The following DSE variants were observed in gnomAD, a reference collection of about 807,000 sequenced individuals.
DSE encodes the protein dermatan sulfate epimerase, also known as dermatan-sulfate epimerase.
In DSE, 36 loss-of-function variants were observed where a neutral mutation model predicts 84.4. That is an observed-to-expected ratio of 0.43 (90% CI 0.33 to 0.56). The LOEUF (loss-of-function observed/expected upper bound fraction) is 0.56, where lower values mean the gene tolerates loss of function less well. DSE is among the 20% of genes least tolerant of loss of function. The probability of loss-of-function intolerance (pLI) is 0.06; values close to 1 mark genes in which losing one functional copy is unlikely to be tolerated. For missense variants in DSE, 862 were observed against 1,169.6 expected (o/e 0.74, Z 3.84); for synonymous variants, 410 against 430.1 (o/e 0.95, Z 0.58).
rs376771433 is a variant in DSE at position 116,437,131 on chromosome 6, C to A, written c.2663C>A (p.Thr888Asn). The change falls in exon 6 of 6, where the codon ACT becomes AAT. Residue 888 changes from threonine to asparagine, a missense_variant. By Grantham distance (65) the Thr-to-Asn change is moderately conservative. This residue lies in a region of DSE where 315 missense variants were observed against 348.1 expected (regional missense o/e 0.90). Coordinates refer to ENST00000644252, the MANE Select transcript of DSE (RefSeq NM_013352.4). ...TTTGGACAGGCACGGATGGTGACAA[C>A]TACACACAGCAGGGCCCCATCACTG... ...GRFGQARMVT[T>N]THSRAPSLSA... is the part of the protein sequence containing the mutation. The A allele has an allele frequency of 6.2e-7, 1 of 1,614,116 alleles. No homozygotes were observed. Among genetic ancestry groups the A allele is most frequent in the Non-Finnish European group, 8.5e-7 (1 of 1,179,988 alleles).
intron 3 of DSE, among the ~76,000 whole-genome samples, chr6:116,427,414 T>G (rs1393046844): frequency 6.6e-6 from 1 of 152,194 alleles, no homozygotes; most frequent in Non-Finnish European, 1.5e-5. Flanking sequence ...AATGACTGAT[T>G]AAGATTGTGT....
intron 2 of DSE, among the ~76,000 whole-genome samples, chr6:116,289,437 G>A (rs1176578713): frequency 2.0e-5 from 3 of 151,830 alleles, no homozygotes; most frequent in African/African-American, 7.3e-5. Flanking sequence ...TTCATGCAAA[G>A]GAAATATTTC....
At chr6:116,276,443 T>G (rs1240121258) in intron 2 of DSE, 1 of 152,220 alleles carries the variant, frequency 6.6e-6, no homozygotes, top group Non-Finnish European at 1.5e-5. Flanking sequence ...TGCTAACGTT[T>G]TAAGGCAAAC....
chr6:116,256,609 T>C (rs1008333489), intron 1 of DSE: 7 of 152,220 alleles, frequency 4.6e-5, no homozygotes, highest in African/African-American at 1.7e-4. Flanking sequence ...AGCTAGATAA[T>C]GACTGCATAG....
rs578166053 is a variant in DSE at position 116,440,553 on chromosome 6, T to C, written c.*3208T>C. 7.2e-5 allele frequency: 11 copies of C among 152,356 alleles called. No individual in the cohort carries two copies. In the South Asian group the frequency reaches 2.3e-3, roughly 32 times the overall value. The allele number at this position is 152,356 out of a possible 1,614,324, so 9.4% of individuals were successfully genotyped here. Reference sequence around the variant, plus strand: ...TAAGAGAAAGCAAGCTATGAAATGCTATATTTGTAGGCTTAAAAGTAAATT... The same window carrying C: ...TAAGAGAAAGCAAGCTATGAAATGCCATATTTGTAGGCTTAAAAGTAAATT... On this transcript the variant is annotated 3_prime_UTR_variant, in exon 6 of 6. Coordinates refer to ENST00000644252, the MANE Select transcript of DSE (RefSeq NM_013352.4).
At chr6:116,370,010 CAAAG>C, upstream of DSE, 1 of 1,206,918 alleles carries the variant, frequency 8.3e-7, no homozygotes. Context: ...GTGGAAGGGG[CAAAG>C]TATTCCTGAG....
chr6:116,333,792 T>A (rs983731191), intron 2 of DSE, among the ~76,000 whole-genome samples: 2 of 152,222 alleles, frequency 1.3e-5, no homozygotes, highest in Non-Finnish European at 2.9e-5. Flanking sequence ...TATAAATTTC[T>A]CTTTAAATTT....
chr6:116,312,272 A>T lies in DSE; in HGVS notation c.-54+53305A>T, dbSNP rs145962536. On this transcript the variant is annotated intron_variant, in intron 2 of 3. Transcript: ENST00000430252. ...GTAATGTGCTACTTAATTTAAAAAT[A>T]ACCTCCATAAATATATTTTGAAAAA... Among the ~76,000 whole-genome samples, 1,137 of 152,340 alleles carry T rather than the reference A, an allele frequency of 7.5e-3. 18 individuals carry two copies. The highest frequency in any genetic ancestry group is 0.026 in the African/African-American group (1,071 of 41,578).
At chr6:116,431,869 G>A (rs1421537058) in intron 4 of DSE, among the ~76,000 whole-genome samples, 1 of 152,092 alleles carries the variant, frequency 6.6e-6, no homozygotes, top group African/African-American at 2.4e-5. Flanking sequence ...GGACTAAGAT[G>A]TTAGAACAAG....
At chr6:116,316,593 A>G (rs751261721) in intron 2 of DSE, among the ~76,000 whole-genome samples, 2 of 151,856 alleles carry the variant, frequency 1.3e-5, no homozygotes, top group Non-Finnish European at 2.9e-5. Flanking sequence ...AATTTTGTCA[A>G]AGCGTTATCC....
intron 1 of DSE, among the ~76,000 whole-genome samples, chr6:116,384,569 T>G (rs28390222): frequency 1.3e-4 from 20 of 152,308 alleles, no homozygotes; most frequent in African/African-American, 4.8e-4. Flanking sequence ...AGAGTAACCT[T>G]TAGAGTTCAA....
At chr6:116,425,826 G>A (rs1267128436) in intron 2 of DSE, among the ~76,000 whole-genome samples, 1 of 151,904 alleles carries the variant, frequency 6.6e-6, no homozygotes, top group Non-Finnish European at 1.5e-5. Flanking sequence ...GTTTCACCGT[G>A]TTAGCCAAGA....
At chr6:116,366,552 G>A (rs544055122), upstream of DSE, 25 of 152,284 alleles carry the variant, frequency 1.6e-4, no homozygotes, top group Middle Eastern at 3.4e-3. Context: ...ATTATAATTT[G>A]GAAGGTGTTT....
intron 2 of DSE, among the ~76,000 whole-genome samples, chr6:116,342,865 C>A (rs112942474): frequency 6.6e-6 from 1 of 152,040 alleles, no homozygotes; most frequent in East Asian, 1.9e-4. Context: ...ACCTGGGAAG[C>A]GCAAGGGGTC....
chr6:116,354,886 T>C (rs1778495538), intron 2 of DSE, among the ~76,000 whole-genome samples: 1 of 152,186 alleles, frequency 6.6e-6, no homozygotes, highest in African/African-American at 2.4e-5. Context: ...ACAGGTTTTA[T>C]AAAAAGCCAA....
intron 2 of DSE, chr6:116,278,659 T>C (rs771898385): frequency 3.7e-6 from 6 of 1,614,026 alleles, no homozygotes; most frequent in East Asian, 4.5e-5. Flanking sequence ...CTCAGCAATT[T>C]TGTCGGACTC....
Position 116,399,250 on chromosome 6 carries a change from G to T in DSE, c.-1G>T. 1 of 1,613,676 alleles carries T rather than the reference G, an allele frequency of 6.2e-7. No individual in the cohort carries two copies. Among genetic ancestry groups the T allele is most frequent in the South Asian group, 1.1e-5 (1 of 91,074 alleles). On this transcript the variant is annotated 5_prime_UTR_variant, in exon 2 of 6. Transcript: ENST00000644252. ...TGGAGATTTGGAGATCTGATGCCAC[G>T]ATGAGGACTCACACACGGGGGGCTC... is the stretch of plus-strand genomic sequence containing the variant.
At chr6:116,385,239 G>C (rs1780509353) in intron 1 of DSE, among the ~76,000 whole-genome samples, 1 of 152,166 alleles carries the variant, frequency 6.6e-6, no homozygotes, top group Admixed American at 6.5e-5. Context: ...GCAATGCTTA[G>C]GAGTTTGATG....
chr6:116,271,651 T>C (rs1410231254), intron 2 of DSE, among the ~76,000 whole-genome samples: 1 of 152,152 alleles, frequency 6.6e-6, no homozygotes, highest in African/African-American at 2.4e-5. Context: ...AATAAGTTTT[T>C]AAAAAGGAAT....
Sources: gnomAD v4.1 joint callset for allele counts (sites outside exome capture counted in the v4.1 genomes callset) on GRCh38, gnomAD v4.1.1 for gene constraint, gnomAD v4.1.1 regional missense constraint, MANE v1.5 for transcripts, NCBI Gene and HGNC (gene_info 2026-07-23, HGNC 2026-07-21) for gene names.